Variants in SAMD5 observed in about 807,000 individuals in gnomAD.
SAMD5 encodes the protein sterile alpha motif domain containing 5.
SAMD5 carries 13 observed loss-of-function variants against 11.3 expected under a neutral mutation model. The ratio of observed to expected loss-of-function variants is 1.15; its 90% CI spans 0.75 to 1.83. SAMD5 has a LOEUF of 1.83. Ranked by LOEUF, SAMD5 falls within the 40% of genes most tolerant of loss-of-function variation. SAMD5 has a pLI of 0.00. For synonymous variants in SAMD5, 129 were observed against 111.3 expected, an observed-to-expected ratio of 1.16 and a Z score of -1.00; for missense variants, 255 against 239.1, an observed-to-expected ratio of 1.07 and a Z score of -0.44.
chr6:147,758,840 G>A, the SAMD5 span, among the ~76,000 whole-genome samples: 74 of 152,102 alleles, frequency 4.9e-4, 2 homozygotes, highest in Middle Eastern at 6.8e-3. Flanking sequence ...GAAGTACTTC[G>A]GGCTACTCTG....
intron 1 of SAMD5, among the ~76,000 whole-genome samples, chr6:147,678,631 C>T (rs1035658304): frequency 1.3e-5 from 2 of 152,112 alleles, no homozygotes; most frequent in African/African-American, 4.8e-5. Flanking sequence ...CAATCTTATT[C>T]AAAACCAAAC....
At chr6:147,596,989 T>C (rs7774924) in intron 1 of SAMD5, among the ~76,000 whole-genome samples, 8,277 of 152,224 alleles carry the variant, frequency 0.054, 675 homozygotes, top group African/African-American at 0.18. Context: ...ACTTTTCTCT[T>C]GTGCCTTAAG....
chr6:147,579,735 G>A (rs1789269181), intron 1 of SAMD5, among the ~76,000 whole-genome samples: 1 of 152,140 alleles, frequency 6.6e-6, no homozygotes, highest in Non-Finnish European at 1.5e-5. Context: ...GGGATTACAG[G>A]CATGAGCCAC....
intron 1 of SAMD5, among the ~76,000 whole-genome samples, chr6:147,530,089 C>T (rs1175164538): frequency 1.3e-5 from 2 of 151,902 alleles, no homozygotes; most frequent in East Asian, 1.9e-4. Context: ...ACGATTTTTT[C>T]CCCCTGGTAT....
At chr6:147,945,313 G>A in the SAMD5 span, among the ~76,000 whole-genome samples, 14,529 of 152,108 alleles carry the variant, frequency 0.096, 912 homozygotes, top group South Asian at 0.13. Context: ...ATCTTCTTGG[G>A]ATTTCTACAG....
chr6:147,803,125 T>G, the SAMD5 span, among the ~76,000 whole-genome samples: 1 of 144,464 alleles, frequency 6.9e-6, no homozygotes, highest in Non-Finnish European at 1.5e-5. Flanking sequence ...CTTTTGGCCT[T>G]CCTTTCTGTG....
At chr6:147,764,425 G>T in the SAMD5 span, among the ~76,000 whole-genome samples, 2 of 152,066 alleles carry the variant, frequency 1.3e-5, no homozygotes. Flanking sequence ...TCATCATTTT[G>T]CACCTGAAAT....
At chr6:147,733,925 A>T (rs1032472036) in intron 1 of SAMD5, 1 of 160,430 alleles carries the variant, frequency 6.2e-6, no homozygotes, top group Non-Finnish European at 1.3e-5. Context: ...CCAGTTCCTC[A>T]AAATTGGAAC....
At chr6:147,871,421 C>T in the SAMD5 span, among the ~76,000 whole-genome samples, 2 of 152,132 alleles carry the variant, frequency 1.3e-5, no homozygotes, top group African/African-American at 4.8e-5. Context: ...GTTTAAGGCT[C>T]ATTTTCCCAC....
chr6:147,895,131 G>A, the SAMD5 span, among the ~76,000 whole-genome samples: 4,351 of 152,314 alleles, frequency 0.029, 211 homozygotes, highest in African/African-American at 0.097. Flanking sequence ...AGCTTAGGAG[G>A]AGCCCAGGCC....
the SAMD5 span, among the ~76,000 whole-genome samples, chr6:147,913,726 G>A: frequency 6.6e-6 from 1 of 152,140 alleles, no homozygotes; most frequent in Non-Finnish European, 1.5e-5. Context: ...AAATGAAATG[G>A]GGAACATAAG....
Position 147,616,283 on chromosome 6 carries a change from A to G in SAMD5, c.162+106896A>G, listed in dbSNP as rs1458123379. Among the ~76,000 whole-genome samples, 2 of 106,970 alleles carry G rather than the reference A, an allele frequency of 1.9e-5. 1 individual carries two copies. The highest frequency in any genetic ancestry group is 1.5e-4 in the African/African-American group (2 of 13,064). The allele number at this position is 106,970 out of a possible 152,430, so 70.2% of individuals were successfully genotyped here. ...ATATATTTCATATATATTTATTCAT[A>G]TATACTTCATATATATTTCATATAT... On this transcript the variant is annotated intron_variant, in intron 1 of 1. Coordinates refer to the SAMD5 transcript ENST00000566741.
At chr6:147,794,187 A>T in the SAMD5 span, among the ~76,000 whole-genome samples, 2 of 152,176 alleles carry the variant, frequency 1.3e-5, no homozygotes, top group African/African-American at 4.8e-5. Context: ...TTCAAATCCG[A>T]TTATGTTTAT....
At chr6:147,757,721 AT>A in the SAMD5 span, among the ~76,000 whole-genome samples, 1 of 152,140 alleles carries the variant, frequency 6.6e-6, no homozygotes, top group Non-Finnish European at 1.5e-5. Flanking sequence ...AAAGTTGGGA[AT>A]TTTTTAATCC....
chr6:147,877,887 A>AGC, the SAMD5 span, among the ~76,000 whole-genome samples: 16 of 78,358 alleles, frequency 2.0e-4, no homozygotes, highest in African/African-American at 5.9e-4. Flanking sequence ...CACACGATAG[A>AGC]TAGATAGCTA....
chr6:147,509,500 GCTTTGGGTATCTGGGAC>G, intron 1 of SAMD5, 113 bp downstream of exon 1: 1 of 906,708 alleles, frequency 1.1e-6, no homozygotes, highest in Non-Finnish European at 1.6e-6. Context: ...AGGCCAGGAG[GCTTTGGGTATCTGGGAC>G]CCTTTTCTAT....
chr6:147,656,454 T>C (rs1418883650), intron 1 of SAMD5, among the ~76,000 whole-genome samples: 1 of 152,074 alleles, frequency 6.6e-6, no homozygotes, highest in Admixed American at 6.5e-5. Context: ...AAATGACCAC[T>C]GGGAGAAAAT....
chr6:147,888,759 C>T, the SAMD5 span, among the ~76,000 whole-genome samples: 1 of 151,938 alleles, frequency 6.6e-6, no homozygotes, highest in Non-Finnish European at 1.5e-5. Context: ...GTGGCAGGTG[C>T]CTGTAATCCC....
At chr6:147,723,271 G>A (rs530734417) in intron 1 of SAMD5, among the ~76,000 whole-genome samples, 2 of 152,242 alleles carry the variant, frequency 1.3e-5, no homozygotes, top group Admixed American at 6.5e-5. Context: ...GAGTTTTGTG[G>A]TCTTGGAGTA....
Sources: allele counts gnomAD v4.1 joint callset (sites outside exome capture counted in the v4.1 genomes callset), GRCh38; gene constraint gnomAD v4.1.1; transcripts MANE v1.5; gene names NCBI Gene and HGNC (gene_info 2026-07-23, HGNC 2026-07-21).